Variants in IGFBP7 observed in about 807,000 individuals in gnomAD.
IGFBP7 encodes insulin-like growth factor-binding protein 7.
Under a neutral mutation model 29.4 loss-of-function variants are expected in IGFBP7, and 31 were observed. The observed-to-expected ratio is 1.05, with a 90% CI of 0.79 to 1.42. The LOEUF (loss-of-function observed/expected upper bound fraction) is 1.42. Among genes scored for constraint, IGFBP7 ranks in the 40% most tolerant of loss-of-function variants. The probability of loss-of-function intolerance (pLI) is 0.00; values close to 1 mark genes in which losing one functional copy is unlikely to be tolerated. For synonymous variants in IGFBP7, 172 were observed against 174.9 expected (o/e 0.98, Z 0.13); for missense variants, 393 against 395.5 (o/e 0.99, Z 0.05).
At chr4:57,038,389 G>T (rs911767987) in intron 2 of IGFBP7, among the ~76,000 whole-genome samples, 2 of 152,238 alleles carry the variant, frequency 1.3e-5, no homozygotes, top group Non-Finnish European at 2.9e-5. Context: ...AGAGCAAAGA[G>T]TCAAGAGTTA....
At chr4:57,059,929 ATAACTAAC>A (rs1207504006) in intron 1 of IGFBP7, among the ~76,000 whole-genome samples, 2 of 152,224 alleles carry the variant, frequency 1.3e-5, no homozygotes, top group Non-Finnish European at 2.9e-5. Flanking sequence ...GACTACAATA[ATAACTAAC>A]TAAATCACAT....
In IGFBP7 at chr4:57,040,949, C is replaced by T. The variant is rs1485902274; in HGVS notation, c.476-16G>A. On this transcript the variant is annotated splice_polypyrimidine_tract_variant and intron_variant, in intron 1 of 4. Transcript: ENST00000295666. ...ATGGAAGGACCTGCAGGAGAGGGCACAAAGCCAAAGTCATCTTTTAAACAG... is the reference window on the plus strand; with the variant it reads ...ATGGAAGGACCTGCAGGAGAGGGCATAAAGCCAAAGTCATCTTTTAAACAG... The T allele has an allele frequency of 6.6e-6, 10 of 1,520,356 alleles. No individual in the cohort carries two copies. The highest frequency in any genetic ancestry group is 8.2e-6 in the Non-Finnish European group (9 of 1,095,020). The allele number at this position is 1,520,356 out of a possible 1,614,324, so 94.2% of individuals were successfully genotyped here. A position where few individuals can be genotyped will look rare whatever the true frequency, so the allele number is the denominator to read the frequency against.
intron 4 of IGFBP7, 175 bp downstream of exon 4, chr4:57,032,251 A>G: frequency 7.1e-7 from 1 of 1,414,018 alleles, no homozygotes; most frequent in Non-Finnish European, 9.2e-7. Flanking sequence ...TCACCCATCC[A>G]GATAATCTTT....
At chr4:57,091,549 T>G (rs1278682373) in intron 1 of IGFBP7, among the ~76,000 whole-genome samples, 1 of 152,198 alleles carries the variant, frequency 6.6e-6, no homozygotes, top group Non-Finnish European at 1.5e-5. Flanking sequence ...CACAGGGTTA[T>G]TGTGAGGATT....
chr4:57,034,235 T>A (rs184436895), intron 2 of IGFBP7, among the ~76,000 whole-genome samples: 1 of 152,232 alleles, frequency 6.6e-6, no homozygotes, highest in African/African-American at 2.4e-5. Flanking sequence ...TGTTTTATTA[T>A]ATAAACTCTG....
At chr4:57,094,098 A>G (rs2109797906) in intron 1 of IGFBP7, among the ~76,000 whole-genome samples, 1 of 152,102 alleles carries the variant, frequency 6.6e-6, no homozygotes, top group South Asian at 2.1e-4. Context: ...TCTTTCTTCC[A>G]CCAGGATGGA....
intron 1 of IGFBP7, among the ~76,000 whole-genome samples, chr4:57,045,419 G>T (rs1052638603): frequency 6.6e-6 from 1 of 152,210 alleles, no homozygotes; most frequent in African/African-American, 2.4e-5. Flanking sequence ...ACGTAAACTG[G>T]AAAGTGCTAA....
chr4:57,066,881 GA>G (rs940327092), intron 1 of IGFBP7, among the ~76,000 whole-genome samples: 20 of 148,076 alleles, frequency 1.4e-4, no homozygotes, highest in South Asian at 4.3e-4. Context: ...TTTAAAAGAA[GA>G]AAAAAAAACT....
intron 1 of IGFBP7, chr4:57,072,950 G>T: frequency 5.0e-6 from 4 of 800,522 alleles, no homozygotes; most frequent in Non-Finnish European, 8.6e-6. Context: ...CATCCTGAAG[G>T]ACAAGTGGTC....
intron 1 of IGFBP7, among the ~76,000 whole-genome samples, chr4:57,067,771 A>G (rs180762298): frequency 1.3e-5 from 2 of 152,256 alleles, no homozygotes; most frequent in Admixed American, 6.5e-5. Flanking sequence ...CTTTTTTGCA[A>G]CACTTCAGGA....
chr4:57,081,170 G>C (rs1046688480), intron 1 of IGFBP7, among the ~76,000 whole-genome samples: 4 of 152,184 alleles, frequency 2.6e-5, no homozygotes, highest in African/African-American at 9.7e-5. Flanking sequence ...CTTCAGGGCA[G>C]GGCCCAGGGA....
At chr4:57,107,778 G>A (rs564691933) in intron 1 of IGFBP7, among the ~76,000 whole-genome samples, 7 of 152,362 alleles carry the variant, frequency 4.6e-5, no homozygotes, top group African/African-American at 1.7e-4. Context: ...AGGGTTTGCA[G>A]TCTGGAGAGG....
intron 1 of IGFBP7, among the ~76,000 whole-genome samples, chr4:57,092,322 A>C (rs1400334698): frequency 1.3e-5 from 2 of 152,230 alleles, no homozygotes; most frequent in Non-Finnish European, 2.9e-5. Context: ...ATTATAGTAC[A>C]CATATCCTTT....
chr4:57,088,966 A>C (rs1207899880), intron 1 of IGFBP7, among the ~76,000 whole-genome samples: 3 of 142,096 alleles, frequency 2.1e-5, no homozygotes, highest in Non-Finnish European at 3.0e-5. Flanking sequence ...TGGGAGGCAG[A>C]GGTGGCAGCG....
At chr4:57,039,778 CCATGCCCAGCTAATTAAAAAAATT>C (rs1282349977) in intron 2 of IGFBP7, among the ~76,000 whole-genome samples, 1 of 150,174 alleles carries the variant, frequency 6.7e-6, no homozygotes, top group Non-Finnish European at 1.5e-5. Context: ...GCATGCCTCA[CCATGCCCAGCTAATTAAAAAAATT>C]ATTTGTAAGA....
At chr4:57,085,836 T>A (rs6827768) in intron 1 of IGFBP7, among the ~76,000 whole-genome samples, 123,605 of 152,168 alleles carry the variant, frequency 0.81, 50,308 homozygotes, top group East Asian at 0.96. Flanking sequence ...AAACAGTAAC[T>A]TGCTTTCTGT....
chr4:57,097,074 C>T (rs1373869906), intron 1 of IGFBP7, among the ~76,000 whole-genome samples: 2 of 152,068 alleles, frequency 1.3e-5, no homozygotes, highest in African/African-American at 4.8e-5. Context: ...AATTTTTTCC[C>T]CCATGAACCA....
chr4:57,105,254 C>T (rs1725994911), intron 1 of IGFBP7, among the ~76,000 whole-genome samples: 1 of 152,232 alleles, frequency 6.6e-6, no homozygotes. Context: ...GATGTACACC[C>T]TTCACAGCAT....
intron 2 of IGFBP7, among the ~76,000 whole-genome samples, 171 bp downstream of exon 2, chr4:57,040,653 T>G (rs1009206371): frequency 1.3e-5 from 2 of 152,248 alleles, no homozygotes; most frequent in Non-Finnish European, 2.9e-5. Flanking sequence ...TGGCAGGGAC[T>G]GGTTTTTGTT....
Sources: gnomAD v4.1 joint callset for allele counts (sites outside exome capture counted in the v4.1 genomes callset) on GRCh38, gnomAD v4.1.1 for gene constraint, MANE v1.5 for transcripts, NCBI Gene and HGNC (gene_info 2026-07-23, HGNC 2026-07-21) for gene names.